Variants in NCAM1 observed in about 807,000 individuals in gnomAD.
The protein encoded by NCAM1 is neural cell adhesion molecule 1.
A neutral mutation model predicts 109.8 loss-of-function variants in NCAM1; 14 were observed. The ratio of observed to expected loss-of-function variants is 0.13; its 90% CI spans 0.08 to 0.20. The LOEUF (loss-of-function observed/expected upper bound fraction) is 0.20, where lower values mean the gene tolerates loss of function less well. Among genes scored for constraint, NCAM1 ranks in the 10% least tolerant of loss-of-function variants. The probability of loss-of-function intolerance (pLI) is 1.00; values close to 1 mark genes in which losing one functional copy is unlikely to be tolerated. For missense variants in NCAM1, 774 were observed against 1,109.9 expected, an observed-to-expected ratio of 0.70 and a Z score of 4.30; for synonymous variants, 418 against 442.9, an observed-to-expected ratio of 0.94 and a Z score of 0.70.
rs576351347 is a variant in NCAM1, at chr11:113,242,728, A to G, written c.1826-3640A>G. 4.1e-6 allele frequency: 5 copies of G among 1,213,846 alleles called. No individual in the cohort carries two copies. The Admixed American group carries it at 6.7e-5, about 16-fold the overall frequency. The allele number at this position is 1,213,846 out of a possible 1,614,324, so 75.2% of individuals were successfully genotyped here. A position where few individuals can be genotyped will look rare whatever the true frequency, so the allele number is the denominator to read the frequency against. ...TATACTCACCCATGTATGTATACATATATAGCTATGAGTTTAATTTATCTC... is the reference window on the plus strand; with the variant it reads ...TATACTCACCCATGTATGTATACATGTATAGCTATGAGTTTAATTTATCTC... On this transcript the variant is annotated intron_variant, in intron 14 of 19. Transcript: ENST00000316851.
intron 1 of NCAM1, among the ~76,000 whole-genome samples, chr11:112,992,528 G>T (rs775087292): frequency 7.0e-6 from 1 of 143,536 alleles, no homozygotes; most frequent in Non-Finnish European, 1.5e-5. Context: ...TTGAGACGGA[G>T]TCTCACTCTG....
intron 9 of NCAM1, among the ~76,000 whole-genome samples, chr11:113,230,310 T>C (rs1431532531): frequency 6.6e-6 from 1 of 152,182 alleles, no homozygotes; most frequent in African/African-American, 2.4e-5. Flanking sequence ...AGAGAACTCA[T>C]CCCAGGGAGG....
At chr11:113,084,254 T>A (rs1451235199) in intron 1 of NCAM1, among the ~76,000 whole-genome samples, 1 of 152,168 alleles carries the variant, frequency 6.6e-6, no homozygotes, top group African/African-American at 2.4e-5. Context: ...AGTTAGTGCT[T>A]CATTAAATTT....
chr11:113,077,199 C>T (rs1000936783), intron 1 of NCAM1, among the ~76,000 whole-genome samples: 2 of 152,016 alleles, frequency 1.3e-5, no homozygotes, highest in Admixed American at 6.6e-5. Flanking sequence ...ATGATTAGTG[C>T]TATTATAAAG....
At chr11:113,128,029 C>T (rs12288197) in intron 1 of NCAM1, among the ~76,000 whole-genome samples, 198 of 152,244 alleles carry the variant, frequency 1.3e-3, no homozygotes, top group African/African-American at 4.3e-3. Flanking sequence ...CTGCTGGGGC[C>T]GACAGTGTGG....
intron 1 of NCAM1, among the ~76,000 whole-genome samples, chr11:112,979,826 A>T (rs1028160183): frequency 8.6e-5 from 13 of 151,790 alleles, no homozygotes; most frequent in African/African-American, 3.1e-4. Flanking sequence ...TTAAATTTGA[A>T]CCTTTTTATA....
At chr11:113,111,310 A>G (rs1940434581) in intron 1 of NCAM1, among the ~76,000 whole-genome samples, 1 of 152,196 alleles carries the variant, frequency 6.6e-6, no homozygotes, top group South Asian at 2.1e-4. Context: ...AAAAGTAATT[A>G]TGTTTGTAGT....
At chr11:113,080,138 CG>C (rs1439032163) in intron 1 of NCAM1, among the ~76,000 whole-genome samples, 35 of 152,110 alleles carry the variant, frequency 2.3e-4, no homozygotes, top group Admixed American at 2.1e-3. Context: ...TATAGGTTAT[CG>C]TTTTTTTTCT....
chr11:113,165,267 C>G (rs1942750718), intron 1 of NCAM1, among the ~76,000 whole-genome samples: 1 of 152,128 alleles, frequency 6.6e-6, no homozygotes, highest in African/African-American at 2.4e-5. Context: ...GTAAAACCAC[C>G]CCATCCACTT....
chr11:113,228,607 A>G (rs1185914843), intron 9 of NCAM1, among the ~76,000 whole-genome samples: 1 of 152,206 alleles, frequency 6.6e-6, no homozygotes, highest in Non-Finnish European at 1.5e-5. Flanking sequence ...GGAACCAAAA[A>G]AGAGCCCGCA....
intron 1 of NCAM1, among the ~76,000 whole-genome samples, chr11:113,029,627 A>G (rs1952655874): frequency 6.6e-6 from 1 of 152,180 alleles, no homozygotes; most frequent in Non-Finnish European, 1.5e-5. Flanking sequence ...AAACTCAAGA[A>G]ATATCCATTT....
intron 5 of NCAM1, 139 bp from the exon 6 acceptor site, chr11:113,207,122 C>T (rs1038280673): frequency 8.1e-6 from 5 of 619,776 alleles, no homozygotes; most frequent in Middle Eastern, 2.6e-4. Flanking sequence ...AATTTCAATT[C>T]CTGACACTAA....
intron 9 of NCAM1, among the ~76,000 whole-genome samples, chr11:113,222,421 A>G (rs1288837306): frequency 6.6e-6 from 1 of 152,232 alleles, no homozygotes; most frequent in Non-Finnish European, 1.5e-5. Context: ...TCTGCACATG[A>G]ACAGGCTGCC....
chr11:113,161,574 T>C (rs1942601956), intron 1 of NCAM1, among the ~76,000 whole-genome samples: 1 of 152,222 alleles, frequency 6.6e-6, no homozygotes, highest in South Asian at 2.1e-4. Flanking sequence ...AGGTTAAACC[T>C]CTTATAAAAA....
At chr11:113,112,622 G>T (rs1232382953) in intron 1 of NCAM1, among the ~76,000 whole-genome samples, 3 of 152,136 alleles carry the variant, frequency 2.0e-5, no homozygotes, top group Admixed American at 6.5e-5. Context: ...AGGGCTCATT[G>T]TTCACCATTA....
At chr11:112,976,494 G>T (rs1555067708) in intron 1 of NCAM1, among the ~76,000 whole-genome samples, 1 of 151,934 alleles carries the variant, frequency 6.6e-6, no homozygotes, top group African/African-American at 2.4e-5. Context: ...GATTTGGTGG[G>T]ATTGGTTGTA....
intron 1 of NCAM1, among the ~76,000 whole-genome samples, chr11:113,155,338 G>C (rs1422084204): frequency 6.6e-6 from 1 of 151,884 alleles, no homozygotes; most frequent in African/African-American, 2.4e-5. Context: ...GTGAAACCCC[G>C]TCTGTATTAA....
At chr11:113,220,602 C>CTTTTTTTT (rs1175342641) in intron 8 of NCAM1, among the ~76,000 whole-genome samples, 6,260 of 75,584 alleles carry the variant, frequency 0.083, 1,235 homozygotes, top group African/African-American at 0.22. Context: ...CTCTCTCTCT[C>CTTTTTTTT]TTTTTTTTTT....
chr11:113,269,338 A>C (rs1465876210), intron 17 of NCAM1, among the ~76,000 whole-genome samples: 6 of 152,192 alleles, frequency 3.9e-5, no homozygotes, highest in African/African-American at 1.2e-4. Context: ...AGCCAGAACC[A>C]GGGTGCCAGG....
Sources: allele counts gnomAD v4.1 joint callset (sites outside exome capture counted in the v4.1 genomes callset), GRCh38; gene constraint gnomAD v4.1.1; transcripts MANE v1.5; gene names NCBI Gene and HGNC (gene_info 2026-07-23, HGNC 2026-07-21).